The following SYT1 variants were observed in gnomAD, a reference collection of about 807,000 sequenced individuals.
SYT1 encodes synaptotagmin-1.
SYT1 carries 8 observed loss-of-function variants against 44.8 expected under a neutral mutation model. That is an observed-to-expected ratio of 0.18 (90% CI 0.10 to 0.32). The LOEUF (loss-of-function observed/expected upper bound fraction) is 0.32. SYT1 is among the 10% of genes least tolerant of loss of function. SYT1 has a pLI of 1.00. For synonymous variants in SYT1, 154 were observed against 188.8 expected (o/e 0.82, Z 1.51); for missense variants, 286 against 509.3 (o/e 0.56, Z 4.22).
intron 1 of SYT1, among the ~76,000 whole-genome samples, chr12:78,916,798 T>G (rs1565716054): frequency 6.6e-6 from 1 of 152,072 alleles, no homozygotes; most frequent in East Asian, 1.9e-4. Context: ...TTTAGAGCAC[T>G]TTTAGTTTCA....
At chr12:79,275,232 C>G (rs1268982795) in intron 4 of SYT1, among the ~76,000 whole-genome samples, 1 of 152,086 alleles carries the variant, frequency 6.6e-6, no homozygotes, top group Non-Finnish European at 1.5e-5. Context: ...GTGCTGGGCT[C>G]AGTGGAGGAA....
At chr12:79,353,141 G>A (rs1334954380) in intron 8 of SYT1, among the ~76,000 whole-genome samples, 1 of 152,142 alleles carries the variant, frequency 6.6e-6, no homozygotes, top group Non-Finnish European at 1.5e-5. Context: ...TTTCAAAGCT[G>A]TTTAATAAAA....
rs556826533 is a variant in SYT1 at position 78,949,164 on chromosome 12, T to C, written c.-216-28635T>C. On this transcript the variant is annotated intron_variant, in intron 1 of 10. Transcript: ENST00000261205. The stretch of plus-strand genomic sequence containing the variant: ...GAAATGGTATACCTCTGAGCTAATA[T>C]GAGAACACATATTTTTTGAACCATA... 2.0e-5 allele frequency among the ~76,000 whole-genome samples: 3 copies of C among 151,630 alleles called. No homozygotes were observed. In the East Asian group the frequency reaches 5.8e-4, roughly 29 times the overall value.
intron 1 of SYT1, among the ~76,000 whole-genome samples, chr12:78,912,397 G>A (rs1414647415): frequency 6.6e-6 from 1 of 151,934 alleles, no homozygotes; most frequent in Non-Finnish European, 1.5e-5. Context: ...ATAGCATTGA[G>A]AGGACAGGTA....
intron 1 of SYT1, among the ~76,000 whole-genome samples, chr12:78,921,799 T>C (rs1877019587): frequency 6.6e-6 from 1 of 151,964 alleles, no homozygotes; most frequent in Non-Finnish European, 1.5e-5. Flanking sequence ...ATTTCTGCTA[T>C]GTCTTTAATG....
At chr12:78,898,272 TG>T (rs1322697087) in intron 1 of SYT1, among the ~76,000 whole-genome samples, 1 of 152,056 alleles carries the variant, frequency 6.6e-6, no homozygotes, top group East Asian at 1.9e-4. Context: ...CTTGGAACGA[TG>T]CCTGGCAAAA....
At chr12:79,303,865 G>T (rs1178161192) in intron 8 of SYT1, among the ~76,000 whole-genome samples, 1 of 152,140 alleles carries the variant, frequency 6.6e-6, no homozygotes, top group East Asian at 1.9e-4. Flanking sequence ...GATCATGAAA[G>T]AAGTGATGCT....
intron 2 of SYT1, among the ~76,000 whole-genome samples, chr12:79,016,899 C>T (rs1871842153): frequency 6.6e-6 from 1 of 152,102 alleles, no homozygotes; most frequent in African/African-American, 2.4e-5. Context: ...CATAAATCCA[C>T]TCCACTATGT....
intron 7 of SYT1, among the ~76,000 whole-genome samples, chr12:79,299,088 T>C (rs1383396489): frequency 6.6e-6 from 1 of 152,144 alleles, no homozygotes; most frequent in Non-Finnish European, 1.5e-5. Flanking sequence ...TTGTTTATTG[T>C]TTTATTAATC....
intron 4 of SYT1, among the ~76,000 whole-genome samples, chr12:79,259,754 A>G (rs1255560073): frequency 2.6e-5 from 4 of 152,290 alleles, no homozygotes; most frequent in South Asian, 4.2e-4. Flanking sequence ...AAAAAAACTC[A>G]TATTTATTTT....
intron 3 of SYT1, among the ~76,000 whole-genome samples, chr12:79,150,019 T>C (rs1382275930): frequency 1.3e-5 from 2 of 152,234 alleles, no homozygotes; most frequent in Non-Finnish European, 2.9e-5. Flanking sequence ...TTGAATTTTT[T>C]ATTTTTAATT....
At chr12:79,225,103 T>C (rs1875438566) in intron 4 of SYT1, among the ~76,000 whole-genome samples, 1 of 151,152 alleles carries the variant, frequency 6.6e-6, no homozygotes, top group Admixed American at 6.6e-5. Flanking sequence ...TTTTAAAAGA[T>C]TATTCTTGCT....
chr12:79,339,701 T>C (rs1174627230), intron 8 of SYT1, among the ~76,000 whole-genome samples: 1 of 152,228 alleles, frequency 6.6e-6, no homozygotes, highest in African/African-American at 2.4e-5. Flanking sequence ...ATTTTGACTT[T>C]TGTTGTCATT....
intron 1 of SYT1, chr12:78,960,718 G>A (rs1008039809): frequency 6.6e-6 from 1 of 152,068 alleles, no homozygotes; most frequent in African/African-American, 2.4e-5. Flanking sequence ...ATGTCACCTG[G>A]AATATGGAAC....
At chr12:79,369,670 A>C (rs908156527) in intron 9 of SYT1, among the ~76,000 whole-genome samples, 3 of 152,364 alleles carry the variant, frequency 2.0e-5, no homozygotes, top group Admixed American at 2.0e-4. Context: ...AAGCCAAATT[A>C]CATACAGTAT....
At chr12:78,920,897 A>T (rs1662365816) in intron 1 of SYT1, among the ~76,000 whole-genome samples, 1 of 151,952 alleles carries the variant, frequency 6.6e-6, no homozygotes, top group African/African-American at 2.4e-5. Context: ...TGCAGCTGAC[A>T]AATAAGGTAT....
chr12:78,963,756 C>A (rs1156550618), intron 1 of SYT1, among the ~76,000 whole-genome samples: 1 of 152,016 alleles, frequency 6.6e-6, no homozygotes, highest in Non-Finnish European at 1.5e-5. Flanking sequence ...GCTAAAAAAG[C>A]AAGAGGAGGC....
intron 9 of SYT1, among the ~76,000 whole-genome samples, chr12:79,431,614 G>A (rs1278397799): frequency 6.6e-6 from 1 of 151,330 alleles, no homozygotes; most frequent in Non-Finnish European, 1.5e-5. Context: ...CACAATCTTG[G>A]CTCACTGCAA....
intron 8 of SYT1, among the ~76,000 whole-genome samples, chr12:79,324,410 A>G (rs548004978): frequency 2.6e-4 from 40 of 152,296 alleles, no homozygotes; most frequent in African/African-American, 8.4e-4. Flanking sequence ...GAAAAAGTCA[A>G]TAGACCCACA....
Sources: gnomAD v4.1 joint callset for allele counts (sites outside exome capture counted in the v4.1 genomes callset) on GRCh38, gnomAD v4.1.1 for gene constraint, MANE v1.5 for transcripts, NCBI Gene and HGNC (gene_info 2026-07-23, HGNC 2026-07-21) for gene names.